MCU: variants seen among roughly 807,000 people sequenced by gnomAD.
The protein encoded by MCU is mitochondrial calcium uniporter.
In MCU, 12 loss-of-function variants were observed where a neutral mutation model predicts 45.2. The observed-to-expected ratio is 0.27, with a 90% CI of 0.17 to 0.43. The LOEUF (loss-of-function observed/expected upper bound fraction) is 0.43, where lower values mean the gene tolerates loss of function less well. MCU is among the 20% of genes least tolerant of loss of function. MCU has a pLI of 1.00. For missense variants in MCU, 324 were observed against 436.7 expected, an observed-to-expected ratio of 0.74 and a Z score of 2.30; for synonymous variants, 160 against 165.1, an observed-to-expected ratio of 0.97 and a Z score of 0.24.
chr10:72,844,301 C>A (rs970343685), intron 2 of MCU, among the ~76,000 whole-genome samples: 1 of 152,116 alleles, frequency 6.6e-6, no homozygotes, highest in Non-Finnish European at 1.5e-5. Context: ...GCAGAAGAAT[C>A]GCTTGAACCC....
chr10:72,812,508 C>T (rs1174559804), intron 1 of MCU, among the ~76,000 whole-genome samples: 1 of 152,046 alleles, frequency 6.6e-6, no homozygotes, highest in African/African-American at 2.4e-5. Flanking sequence ...CAAAAGAGTA[C>T]AAAAGGAAGA....
intron 1 of MCU, among the ~76,000 whole-genome samples, chr10:72,830,186 T>C (rs111431401): frequency 9.5e-4 from 145 of 152,216 alleles, no homozygotes; most frequent in African/African-American, 3.4e-3. Context: ...TTGAGTGGGG[T>C]ATAGAGAGTA....
intron 1 of MCU, among the ~76,000 whole-genome samples, chr10:72,822,835 GTCT>G (rs1462308927): frequency 1.3e-5 from 2 of 150,752 alleles, no homozygotes; most frequent in African/African-American, 2.4e-5. Flanking sequence ...GTGAGACCCT[GTCT>G]CAAAAAAAAA....
chr10:72,751,970 G>T (rs945064141), intron 1 of MCU, among the ~76,000 whole-genome samples: 1 of 151,714 alleles, frequency 6.6e-6, no homozygotes, highest in Non-Finnish European at 1.5e-5. Context: ...ATCCCGAGTA[G>T]CTAGGACTAC....
intron 2 of MCU, among the ~76,000 whole-genome samples, chr10:72,848,514 G>A (rs1238141752): frequency 6.6e-6 from 1 of 152,068 alleles, no homozygotes; most frequent in Non-Finnish European, 1.5e-5. Flanking sequence ...TATGATAATG[G>A]CAAAAATCCA....
intron 4 of MCU, among the ~76,000 whole-genome samples, chr10:72,863,961 A>G (rs1845416978): frequency 6.6e-6 from 1 of 152,198 alleles, no homozygotes; most frequent in Non-Finnish European, 1.5e-5. Flanking sequence ...TATCTATTAT[A>G]AAAAGTTAAA....
chr10:72,871,698 T>TA (rs758372474), intron 6 of MCU, 118 bp downstream of exon 6: 110 of 768,828 alleles, frequency 1.4e-4, no homozygotes, highest in Non-Finnish European at 2.1e-4. Context: ...CCTTTACACA[T>TA]ACACACACAT....
chr10:72,748,193 GC>G (rs1483399962), intron 1 of MCU, among the ~76,000 whole-genome samples: 1 of 151,962 alleles, frequency 6.6e-6, no homozygotes, highest in Non-Finnish European at 1.5e-5. Flanking sequence ...GACTACAGGT[GC>G]CCGCCACCAC....
At chr10:72,747,655 G>A (rs749158824) in intron 1 of MCU, among the ~76,000 whole-genome samples, 4 of 151,912 alleles carry the variant, frequency 2.6e-5, no homozygotes, top group Non-Finnish European at 5.9e-5. Flanking sequence ...GGGAGACCTC[G>A]TCTCTACCAA....
chr10:72,717,115 C>G (rs1420501330), intron 1 of MCU, among the ~76,000 whole-genome samples: 1 of 136,580 alleles, frequency 7.3e-6, no homozygotes, highest in Non-Finnish European at 1.6e-5. Flanking sequence ...TATTTCCTTT[C>G]TCTCTCTCTC....
intron 1 of MCU, among the ~76,000 whole-genome samples, chr10:72,755,378 C>T (rs535847648): frequency 6.6e-6 from 1 of 151,996 alleles, no homozygotes; most frequent in African/African-American, 2.4e-5. Flanking sequence ...GAAGTCCTGA[C>T]CTCAGGTGAC....
chr10:72,833,529 C>T (rs1844910566), intron 1 of MCU, among the ~76,000 whole-genome samples: 1 of 152,102 alleles, frequency 6.6e-6, no homozygotes, highest in South Asian at 2.1e-4. Context: ...AATGATTTTT[C>T]TTTGTGCTGA....
chr10:72,754,120 G>T (rs1843541067), intron 1 of MCU, among the ~76,000 whole-genome samples: 1 of 152,138 alleles, frequency 6.6e-6, no homozygotes, highest in African/African-American at 2.4e-5. Flanking sequence ...GAACCAATGA[G>T]GAAGCCAAAC....
intron 1 of MCU, among the ~76,000 whole-genome samples, chr10:72,770,117 T>G (rs942428296): frequency 6.6e-6 from 1 of 152,200 alleles, no homozygotes; most frequent in Non-Finnish European, 1.5e-5. Flanking sequence ...CCAAATTTAC[T>G]TCTGTCACTG....
chr10:72,742,080 ATATGG>A (rs1564544025), intron 1 of MCU, among the ~76,000 whole-genome samples: 1 of 151,894 alleles, frequency 6.6e-6, no homozygotes, highest in African/African-American at 2.4e-5. Flanking sequence ...TAACCTGCAT[ATATGG>A]ATGGTCCCAT....
At chr10:72,798,911 G>T (rs971058156) in intron 1 of MCU, among the ~76,000 whole-genome samples, 9 of 152,072 alleles carry the variant, frequency 5.9e-5, no homozygotes, top group Middle Eastern at 3.4e-3. Flanking sequence ...TACTTTGACA[G>T]TTGTGTATGT....
chr10:72,816,585 A>G (rs1390313698), intron 1 of MCU, among the ~76,000 whole-genome samples: 2 of 152,204 alleles, frequency 1.3e-5, no homozygotes, highest in Non-Finnish European at 2.9e-5. Context: ...TGAGAACAGC[A>G]TTGACAACAT....
chr10:72,719,033 T>A (rs549697040), intron 1 of MCU, among the ~76,000 whole-genome samples: 2 of 152,328 alleles, frequency 1.3e-5, no homozygotes, highest in South Asian at 4.1e-4. Context: ...AGTAATGTTC[T>A]GTCTCTTGGT....
chr10:72,839,545 C>T (rs923057632), intron 2 of MCU, among the ~76,000 whole-genome samples: 2 of 152,002 alleles, frequency 1.3e-5, no homozygotes, highest in African/African-American at 4.8e-5. Context: ...AGTGTGTATT[C>T]GTAGGTCTTT....
Sources: gnomAD v4.1 joint callset for allele counts (sites outside exome capture counted in the v4.1 genomes callset) on GRCh38, gnomAD v4.1.1 for gene constraint, MANE v1.5 for transcripts, NCBI Gene and HGNC (gene_info 2026-07-23, HGNC 2026-07-21) for gene names.